Variants in MACROD2 observed in about 807,000 individuals in gnomAD.
MACROD2 encodes ADP-ribose glycohydrolase MACROD2.
A neutral mutation model predicts 70.4 loss-of-function variants in MACROD2; 36 were observed. That is an observed-to-expected ratio of 0.51 (90% CI 0.39 to 0.68). MACROD2 has a LOEUF of 0.68. Ranked by LOEUF, MACROD2 falls within the 30% of genes least tolerant of loss-of-function variation. The pLI is 0.00. For synonymous variants in MACROD2, 172 were observed against 178.8 expected, an observed-to-expected ratio of 0.96 and a Z score of 0.30; for missense variants, 496 against 538.4, an observed-to-expected ratio of 0.92 and a Z score of 0.78.
rs566258020 is a variant in MACROD2 at position 15,478,388 on chromosome 20, A to G, written c.572-21386A>G. 5.1e-4 allele frequency among the ~76,000 whole-genome samples: 78 copies of G among 152,298 alleles called. 3 individuals are homozygous for G. In the South Asian group the frequency reaches 0.015, roughly 29 times the overall value. Reference sequence around the variant, plus strand: ...GGGGCCAGAGAAAGTCTTTAGAAAGACAGGTCTATATAAAATAAGATGCCA... The same window carrying G: ...GGGGCCAGAGAAAGTCTTTAGAAAGGCAGGTCTATATAAAATAAGATGCCA... On this transcript the variant is annotated intron_variant, in intron 7 of 17. Transcript: ENST00000684519.
At chr20:14,754,759 T>C (rs2071917822) in intron 5 of MACROD2, among the ~76,000 whole-genome samples, 1 of 151,578 alleles carries the variant, frequency 6.6e-6, no homozygotes, top group Non-Finnish European at 1.5e-5. Context: ...CCAGGATCTA[T>C]AAACTCTTGC....
intron 8 of MACROD2, among the ~76,000 whole-genome samples, chr20:15,555,155 G>C (rs1335220061): frequency 6.6e-6 from 1 of 152,180 alleles, no homozygotes; most frequent in African/African-American, 2.4e-5. Context: ...TGGGTGAGGA[G>C]GGAGTGAGAG....
At chr20:14,434,331 A>T (rs1361530930) in intron 3 of MACROD2, among the ~76,000 whole-genome samples, 1 of 152,184 alleles carries the variant, frequency 6.6e-6, no homozygotes, top group Non-Finnish European at 1.5e-5. Context: ...TTGAGTTTTC[A>T]TAGTTATGGC....
At chr20:15,139,487 C>T (rs1457072688) in intron 5 of MACROD2, among the ~76,000 whole-genome samples, 5 of 152,062 alleles carry the variant, frequency 3.3e-5, no homozygotes, top group East Asian at 1.9e-4. Context: ...AGTGAACATG[C>T]GTAACTGCTT....
At chr20:15,826,459 T>G (rs1310458344) in intron 8 of MACROD2, among the ~76,000 whole-genome samples, 2 of 152,244 alleles carry the variant, frequency 1.3e-5, no homozygotes, top group African/African-American at 4.8e-5. Context: ...AGATGTATGT[T>G]TTCCCTACAA....
At chr20:14,252,604 T>C (rs1372823723) in intron 3 of MACROD2, among the ~76,000 whole-genome samples, 1 of 152,034 alleles carries the variant, frequency 6.6e-6, no homozygotes, top group Non-Finnish European at 1.5e-5. Flanking sequence ...TGCCATATTT[T>C]GAACTCCTAG....
At chr20:15,216,384 G>A (rs567854836) in intron 5 of MACROD2, among the ~76,000 whole-genome samples, 51 of 151,348 alleles carry the variant, frequency 3.4e-4, no homozygotes, top group African/African-American at 1.2e-3. Flanking sequence ...AGAATTTCAA[G>A]GATAAATAGG....
intron 5 of MACROD2, among the ~76,000 whole-genome samples, chr20:15,101,456 T>G (rs903986229): frequency 2.2e-5 from 3 of 139,252 alleles, no homozygotes; most frequent in Non-Finnish European, 4.5e-5. Flanking sequence ...CTTTTACATG[T>G]GATAGACTAT....
At chr20:14,574,976 AGTCCGCAGTCCGGCC>A (rs1208896090) in intron 4 of MACROD2, among the ~76,000 whole-genome samples, 1 of 138,584 alleles carries the variant, frequency 7.2e-6, no homozygotes, top group Non-Finnish European at 1.5e-5. Context: ...GCGCCACTGC[AGTCCGCAGTCCGGCC>A]TGGGCGACAG....
At chr20:15,179,280 AT>A (rs561988689) in intron 5 of MACROD2, among the ~76,000 whole-genome samples, 32 of 152,208 alleles carry the variant, frequency 2.1e-4, no homozygotes, top group African/African-American at 7.5e-4. Context: ...GTGCTAGCTT[AT>A]TTTTTTATTG....
chr20:14,610,566 G>A (rs866145467), intron 4 of MACROD2, among the ~76,000 whole-genome samples: 2 of 152,138 alleles, frequency 1.3e-5, no homozygotes, highest in African/African-American at 4.8e-5. Flanking sequence ...AATAAAATGT[G>A]TTTTATTCAT....
intron 8 of MACROD2, among the ~76,000 whole-genome samples, chr20:15,631,573 G>A (rs1301319025): frequency 6.6e-6 from 1 of 152,132 alleles, no homozygotes; most frequent in Non-Finnish European, 1.5e-5. Context: ...GTGGGGAGAA[G>A]GAATGTTAAA....
chr20:14,944,573 T>C (rs1423093954), intron 5 of MACROD2, among the ~76,000 whole-genome samples: 1 of 152,164 alleles, frequency 6.6e-6, no homozygotes, highest in African/African-American at 2.4e-5. Flanking sequence ...AAGAAGCACA[T>C]ACCCCAGAGT....
chr20:15,927,831 C>T (rs144139586), intron 10 of MACROD2, among the ~76,000 whole-genome samples: 3 of 152,288 alleles, frequency 2.0e-5, no homozygotes, highest in East Asian at 1.9e-4. Context: ...TTCCCTCCCT[C>T]CTTTCCTTCC....
chr20:15,739,534 G>A (rs566796133), intron 8 of MACROD2, among the ~76,000 whole-genome samples: 8 of 152,046 alleles, frequency 5.3e-5, no homozygotes, highest in Non-Finnish European at 1.2e-4. Flanking sequence ...GAAGTGTAGA[G>A]CAAAAGATAC....
At chr20:14,850,741 A>T (rs1413727904) in intron 5 of MACROD2, among the ~76,000 whole-genome samples, 2 of 152,190 alleles carry the variant, frequency 1.3e-5, no homozygotes, top group Non-Finnish European at 2.9e-5. Context: ...TTAGGTCTAT[A>T]ATCAGACAGA....
intron 7 of MACROD2, among the ~76,000 whole-genome samples, chr20:15,446,279 A>G (rs2046564589): frequency 6.6e-6 from 1 of 152,136 alleles, no homozygotes; most frequent in African/African-American, 2.4e-5. Flanking sequence ...TCTATGCATC[A>G]TATCATTGTT....
At chr20:14,545,804 C>G (rs2085485441) in intron 4 of MACROD2, among the ~76,000 whole-genome samples, 1 of 152,090 alleles carries the variant, frequency 6.6e-6, no homozygotes, top group African/African-American at 2.4e-5. Flanking sequence ...CTCTGGGAAG[C>G]AGTGAAGGTG....
At chr20:14,247,330 C>T (rs996736313) in intron 3 of MACROD2, among the ~76,000 whole-genome samples, 19 of 152,116 alleles carry the variant, frequency 1.2e-4, no homozygotes, top group South Asian at 2.1e-4. Context: ...CTTATGCCAG[C>T]GCTAACAAAA....
Sources: allele counts gnomAD v4.1 joint callset (sites outside exome capture counted in the v4.1 genomes callset), GRCh38; gene constraint gnomAD v4.1.1; transcripts MANE v1.5; gene names NCBI Gene and HGNC (gene_info 2026-07-23, HGNC 2026-07-21).